The following DPYD variants were observed in gnomAD, a reference collection of about 807,000 sequenced individuals.
DPYD encodes the protein dihydropyrimidine dehydrogenase [NADP(+)].
Under a neutral mutation model 116.2 loss-of-function variants are expected in DPYD, and 109 were observed. That is an observed-to-expected ratio of 0.94 (90% CI 0.80 to 1.10). The LOEUF is 1.10. Among genes scored for constraint, DPYD ranks in the 50% least tolerant of loss-of-function variants. The probability of loss-of-function intolerance (pLI) is 0.00; values close to 1 mark genes in which losing one functional copy is unlikely to be tolerated. For synonymous variants in DPYD, 440 were observed against 432.0 expected (o/e 1.02, Z -0.23); for missense variants, 1,302 against 1,254.5 (o/e 1.04, Z -0.57).
intron 20 of DPYD, among the ~76,000 whole-genome samples, chr1:97,139,080 T>C (rs2101689391): frequency 6.6e-6 from 1 of 152,324 alleles, no homozygotes; most frequent in Non-Finnish European, 1.5e-5. Context: ...ATTGGATATT[T>C]CTTTTTTAAG....
intron 1 of DPYD, among the ~76,000 whole-genome samples, chr1:97,908,987 G>A (rs1003638777): frequency 2.0e-5 from 3 of 152,218 alleles, no homozygotes; most frequent in Admixed American, 2.0e-4. Context: ...AAAGTGGATG[G>A]AGAACAATCC....
chr1:97,343,247 TCCA>T (rs1558043143), intron 16 of DPYD, among the ~76,000 whole-genome samples: 2 of 152,028 alleles, frequency 1.3e-5, no homozygotes, highest in Admixed American at 6.6e-5. Context: ...GGCCCCAAAT[TCCA>T]CCATTATTCT....
At chr1:97,481,149 A>C (rs564133542) in intron 13 of DPYD, among the ~76,000 whole-genome samples, 1 of 152,356 alleles carries the variant, frequency 6.6e-6, no homozygotes, top group East Asian at 1.9e-4. Flanking sequence ...TCATAGAAGA[A>C]GAAAGAAAAA....
At chr1:97,477,538 T>C (rs1678037507) in intron 13 of DPYD, among the ~76,000 whole-genome samples, 1 of 152,150 alleles carries the variant, frequency 6.6e-6, no homozygotes, top group Admixed American at 6.5e-5. Context: ...TCAATGATTA[T>C]TGGAATCAAA....
At chr1:97,079,855 C>T (rs755273327) in intron 22 of DPYD, among the ~76,000 whole-genome samples, 2 of 152,032 alleles carry the variant, frequency 1.3e-5, no homozygotes, top group Non-Finnish European at 2.9e-5. Context: ...TTCCTTCCCC[C>T]GTCTTCCTCT....
intron 20 of DPYD, among the ~76,000 whole-genome samples, chr1:97,168,319 G>A (rs756494535): frequency 7.9e-5 from 12 of 152,172 alleles, no homozygotes; most frequent in Non-Finnish European, 1.2e-4. Flanking sequence ...TCTATTGAGG[G>A]ATGTAGAATG....
At chr1:97,228,426 T>G (rs1661338988) in intron 19 of DPYD, among the ~76,000 whole-genome samples, 1 of 152,158 alleles carries the variant, frequency 6.6e-6, no homozygotes, top group Non-Finnish European at 1.5e-5. Flanking sequence ...CTAATTTGAG[T>G]GTAAATCTTT....
chr1:97,819,014 C>T (rs778956474), intron 3 of DPYD, among the ~76,000 whole-genome samples: 1 of 151,768 alleles, frequency 6.6e-6, no homozygotes, highest in Non-Finnish European at 1.5e-5. Flanking sequence ...TTTATTAGGG[C>T]AGGTGCATGA....
At chr1:97,749,722 C>T (rs560342665) in intron 3 of DPYD, among the ~76,000 whole-genome samples, 1 of 152,056 alleles carries the variant, frequency 6.6e-6, no homozygotes, top group Non-Finnish European at 1.5e-5. Flanking sequence ...TTTAATTTAA[C>T]AATAACAAGC....
At chr1:97,391,218 G>T (rs972078466) in intron 14 of DPYD, among the ~76,000 whole-genome samples, 7 of 151,742 alleles carry the variant, frequency 4.6e-5, no homozygotes, top group African/African-American at 1.7e-4. Context: ...AGAAAATCTC[G>T]AAAGTGTATA....
At chr1:97,790,850 A>G (rs1247809873) in intron 3 of DPYD, among the ~76,000 whole-genome samples, 1 of 152,226 alleles carries the variant, frequency 6.6e-6, no homozygotes, top group Non-Finnish European at 1.5e-5. Context: ...AAGCATGATT[A>G]AAGATTATCT....
intron 1 of DPYD, among the ~76,000 whole-genome samples, chr1:97,892,943 G>T (rs1026569396): frequency 6.6e-6 from 1 of 151,770 alleles, no homozygotes; most frequent in Admixed American, 6.6e-5. Flanking sequence ...AAACTCTCAA[G>T]CTCTCTACTC....
At chr1:97,824,737 T>C (rs1009667070) in intron 3 of DPYD, among the ~76,000 whole-genome samples, 4 of 152,216 alleles carry the variant, frequency 2.6e-5, no homozygotes, top group Admixed American at 6.5e-5. Context: ...TAGAGAAGGT[T>C]ATTCAGAATT....
At chr1:97,616,760 A>C (rs569834426) in intron 8 of DPYD, among the ~76,000 whole-genome samples, 1 of 152,348 alleles carries the variant, frequency 6.6e-6, no homozygotes, top group East Asian at 1.9e-4. Context: ...CAGCAATTAT[A>C]ATTTTTAATT....
At chr1:97,665,535 T>C (rs1389043604) in intron 8 of DPYD, among the ~76,000 whole-genome samples, 5 of 152,156 alleles carry the variant, frequency 3.3e-5, no homozygotes, top group Admixed American at 6.5e-5. Context: ...ATTTTTACAA[T>C]AGATCAAACA....
chr1:97,371,863 C>T (rs936215025), intron 16 of DPYD, among the ~76,000 whole-genome samples: 1 of 152,084 alleles, frequency 6.6e-6, no homozygotes, highest in African/African-American at 2.4e-5. Flanking sequence ...AAATTTTTTT[C>T]AGCCAAGATA....
intron 18 of DPYD, among the ~76,000 whole-genome samples, chr1:97,261,860 T>A (rs1663906276): frequency 6.6e-6 from 1 of 152,076 alleles, no homozygotes; most frequent in South Asian, 2.1e-4. Flanking sequence ...GTTTTTTTCA[T>A]CATTCATGTG....
At chr1:97,911,942 C>T (rs549007354) in intron 1 of DPYD, among the ~76,000 whole-genome samples, 20 of 152,158 alleles carry the variant, frequency 1.3e-4, no homozygotes, top group African/African-American at 3.9e-4. Context: ...GAACCATGCA[C>T]GCTGTCAAGC....
chr1:97,611,457 T>C (rs1246573977), intron 8 of DPYD, among the ~76,000 whole-genome samples: 3 of 151,980 alleles, frequency 2.0e-5, no homozygotes, highest in Admixed American at 6.6e-5. Context: ...TATTTTTCTA[T>C]AGAGAGAAAA....
Sources: allele counts gnomAD v4.1 joint callset (sites outside exome capture counted in the v4.1 genomes callset), GRCh38; gene constraint gnomAD v4.1.1; transcripts MANE v1.5; gene names NCBI Gene and HGNC (gene_info 2026-07-23, HGNC 2026-07-21).